CHST3: variants seen among roughly 807,000 people sequenced by gnomAD.
CHST3 encodes carbohydrate sulfotransferase 3, also known as C6ST-1.
Under a neutral mutation model 35.4 loss-of-function variants are expected in CHST3, and 20 were observed. The ratio of observed to expected loss-of-function variants is 0.57; its 90% confidence interval spans 0.40 to 0.82. CHST3 has a LOEUF of 0.82. Among genes scored for constraint, CHST3 ranks in the 40% least tolerant of loss-of-function variants. CHST3 has a pLI of 0.00. For synonymous variants in CHST3, 334 were observed against 295.9 expected, an observed-to-expected ratio of 1.13 and a Z score of -1.32; for missense variants, 693 against 670.1, an observed-to-expected ratio of 1.03 and a Z score of -0.38.
intron 1 of CHST3, among the ~76,000 whole-genome samples, chr10:71,996,262 A>G (rs559010348): frequency 6.6e-6 from 1 of 152,328 alleles, no homozygotes; most frequent in African/African-American, 2.4e-5. Flanking sequence ...ACTGTACTCA[A>G]AGAGGTTTAA....
At chr10:71,967,815 T>G (rs1017163078) in intron 1 of CHST3, among the ~76,000 whole-genome samples, 1 of 152,110 alleles carries the variant, frequency 6.6e-6, no homozygotes, top group Non-Finnish European at 1.5e-5. Flanking sequence ...CTCTGTTTTT[T>G]GTTTTTTGTT....
chr10:72,008,017 GC>G lies in CHST3; in HGVS notation c.988del (p.Gln330ArgfsTer4). ...KTWKKWLDDEGQDGLREEEVQ... is the reference protein window; with the variant it reads ...KTWKKWLDDEXQDGLREEEVQ... The stretch of plus-strand genomic sequence containing the variant: ...TGGAAGAAGTGGCTGGACGACGAGG[GC>G]CAGGACGGCCTGAGGGAAGAGGAGG... On this transcript the variant is annotated frameshift_variant, in exon 3 of 3. Transcript: ENST00000373115. LOFTEE classifies it high-confidence loss of function. The G allele has an allele frequency of 6.5e-7, 1 of 1,549,502 alleles. No individual in the cohort carries two copies. The highest frequency in any genetic ancestry group is 8.7e-7 in the Non-Finnish European group (1 of 1,146,512).
intron 1 of CHST3, among the ~76,000 whole-genome samples, chr10:71,989,452 G>GA (rs999340536): frequency 5.9e-4 from 87 of 147,402 alleles, no homozygotes; most frequent in African/African-American, 1.5e-3. Flanking sequence ...TCCTCAAAAA[G>GA]AAAAAAAAAA....
At chr10:71,974,235 T>C (rs77455139) in intron 1 of CHST3, among the ~76,000 whole-genome samples, 20,006 of 152,186 alleles carry the variant, frequency 0.13, 1,330 homozygotes, top group Admixed American at 0.17. Context: ...ATTCTTTCCA[T>C]TCACTAAGCA....
rs1044921577 is a variant in CHST3 at position 71,979,704 on chromosome 10, C to T, written c.-108+15010C>T. Reference sequence around the variant, plus strand: ...TATTGTTTTTATTTTTTTTCTCTATCTAAGGTAGTCAGAATATTATTTTTG... The same window carrying T: ...TATTGTTTTTATTTTTTTTCTCTATTTAAGGTAGTCAGAATATTATTTTTG... On this transcript the variant is annotated intron_variant, in intron 1 of 2. Coordinates refer to ENST00000373115, the MANE Select transcript of CHST3 (RefSeq NM_004273.5). Among the ~76,000 whole-genome samples, 71 of 152,032 alleles carry T rather than the reference C, an allele frequency of 4.7e-4. 1 individual carries two copies. Among genetic ancestry groups the T allele is most frequent in the African/African-American group, 1.5e-3 (63 of 41,478 alleles).
At chr10:71,978,619 A>C (rs569797155) in intron 1 of CHST3, among the ~76,000 whole-genome samples, 31 of 152,330 alleles carry the variant, frequency 2.0e-4, no homozygotes, top group African/African-American at 7.2e-4. Flanking sequence ...CACATCGATC[A>C]TTTAGTCCTC....
In CHST3 at chr10:72,008,659, G is replaced by A. The variant is rs1840075936; in HGVS notation, c.*188G>A. The A allele has an allele frequency of 1.6e-6, 2 of 1,245,576 alleles. No homozygotes were observed. The highest frequency in any genetic ancestry group is 1.5e-5 in the African/African-American group (1 of 66,050). 77.2% of individuals were successfully genotyped at this position (1,245,576 alleles called of 1,614,324 possible). ...ATTGCGGAGAACAGGACAGTGCCCG[G>A]TCCCCTTGAGGGCCATCACACCCAG... On this transcript the variant is annotated 3_prime_UTR_variant, in exon 3 of 3. Coordinates refer to ENST00000373115, the MANE Select transcript of CHST3 (RefSeq NM_004273.5).
intron 1 of CHST3, among the ~76,000 whole-genome samples, chr10:71,995,778 C>G (rs889000265): frequency 2.6e-5 from 4 of 151,952 alleles, no homozygotes; most frequent in Non-Finnish European, 5.9e-5. Context: ...TTGTGGCACC[C>G]CAAAACACTT....
At position 71,984,414 on chromosome 10, in the gene CHST3, T is replaced by C. The variant is rs183242600; in HGVS notation, c.-108+19720T>C. Among the ~76,000 whole-genome samples, 119 of 152,288 alleles carry C rather than the reference T, an allele frequency of 7.8e-4. 1 individual carries two copies. Among genetic ancestry groups the C allele is most frequent in the African/African-American group, 2.7e-3 (111 of 41,556 alleles). On this transcript the variant is annotated intron_variant, in intron 1 of 2. Coordinates refer to ENST00000373115, the MANE Select transcript of CHST3 (RefSeq NM_004273.5). Reference sequence around the variant, plus strand: ...CTTCATCCCTTCCTTGCTTTGTGCGTTTTGTCTAACTCTGTGTTCAAGACA... The same window carrying C: ...CTTCATCCCTTCCTTGCTTTGTGCGCTTTGTCTAACTCTGTGTTCAAGACA...
At chr10:72,001,618 C>T (rs1027610443) in intron 1 of CHST3, among the ~76,000 whole-genome samples, 1 of 152,110 alleles carries the variant, frequency 6.6e-6, no homozygotes, top group Non-Finnish European at 1.5e-5. Context: ...GGATTACAGG[C>T]GACCACCACC....
intron 1 of CHST3, among the ~76,000 whole-genome samples, chr10:71,989,441 G>A (rs192125127): frequency 5.9e-5 from 9 of 151,786 alleles, no homozygotes; most frequent in Admixed American, 2.0e-4. Context: ...AGCAAGACCC[G>A]TCCTCAAAAA....
chr10:72,007,424 C>G lies in CHST3; in HGVS notation c.393C>G (p.Pro131=). ...EEPPRPAVAG[P]RRHVLLMATT... is the part of the protein sequence containing the mutation. ...CGCCCAGACCGGCCGTGGCGGGGCCCCGGCGCCACGTGCTGCTCATGGCCA... is the reference window on the plus strand; with the variant it reads ...CGCCCAGACCGGCCGTGGCGGGGCCGCGGCGCCACGTGCTGCTCATGGCCA... Residue 131 remains proline (P), a synonymous_variant, in exon 3 of 3, where the codon CCC becomes CCG. Transcript: ENST00000373115. 1 of 1,603,678 alleles carries G rather than the reference C, an allele frequency of 6.2e-7. No homozygotes were observed. The highest frequency in any genetic ancestry group is 2.2e-5 in the East Asian group (1 of 44,744).
chr10:72,007,840 T>G lies in CHST3; in HGVS notation c.809T>G (p.Met270Arg). The change falls in exon 3 of 3, where the codon ATG (methionine) becomes AGG (arginine). Residue 270 changes from methionine (M) to arginine (R), a missense_variant. By Grantham distance (91) the Met-to-Arg change is moderately conservative (BLOSUM62 -1). Coordinates refer to ENST00000373115, the MANE Select transcript of CHST3 (RefSeq NM_004273.5). The stretch of plus-strand genomic sequence containing the variant: ...GAGGCCTGCCGCCGCAAGGAGCACA[T>G]GGCCCTCAAGGCGGTGCGCATCCGG... ...AAEACRRKEHMALKAVRIRQL... is the reference protein window; with the variant it reads ...AAEACRRKEHRALKAVRIRQL... 1 of 1,605,580 alleles carries G rather than the reference T, an allele frequency of 6.2e-7. No individual in the cohort carries two copies. Among genetic ancestry groups the G allele is most frequent in the Non-Finnish European group, 8.5e-7 (1 of 1,179,216 alleles).
chr10:71,979,075 T>C (rs1839774958), intron 1 of CHST3, among the ~76,000 whole-genome samples: 1 of 152,238 alleles, frequency 6.6e-6, no homozygotes, highest in South Asian at 2.1e-4. Context: ...TTCAGTGCCA[T>C]ACAGCGATAG....
In CHST3 at chr10:71,964,532, C is replaced by G. The variant is rs1202631963; in HGVS notation, c.-270C>G. On this transcript the variant is annotated 5_prime_UTR_variant, in exon 1 of 3. Coordinates refer to ENST00000373115, the MANE Select transcript of CHST3 (RefSeq NM_004273.5). ...CCGCAGCGCCTCCATCCCTCCGGCC[C>G]GCCCCGGAGAAGACGCACAGCTCGG... 3 of 152,112 alleles carry G rather than the reference C, an allele frequency of 2.0e-5. No individual in the cohort carries two copies. The highest frequency in any genetic ancestry group is 4.4e-5 in the Non-Finnish European group (3 of 68,020). 9.4% of individuals were successfully genotyped at this position (152,112 alleles called of 1,614,324 possible).
intron 1 of CHST3, among the ~76,000 whole-genome samples, chr10:71,988,591 C>T (rs543597519): frequency 1.3e-5 from 2 of 152,356 alleles, no homozygotes; most frequent in Admixed American, 1.3e-4. Context: ...CCTGAGGCTT[C>T]ACCAGAAGCC....
Position 72,010,733 on chromosome 10 carries a change from A to C in CHST3, c.*2262A>C, listed in dbSNP as rs977581632. ...GCTCTGAAAACATGACCGTGGGGCC[A>C]GGATGTTTCTGGCAGGCCCAGAAGT... On this transcript the variant is annotated 3_prime_UTR_variant, in exon 3 of 3. Coordinates refer to ENST00000373115, the MANE Select transcript of CHST3 (RefSeq NM_004273.5). 29 of 152,374 alleles carry C rather than the reference A, an allele frequency of 1.9e-4. No homozygotes were observed. The highest frequency in any genetic ancestry group is 7.0e-4 in the African/African-American group (29 of 41,582). The allele number at this position is 152,374 out of a possible 1,614,324, so 9.4% of individuals were successfully genotyped here. A position where few individuals can be genotyped will look rare whatever the true frequency, so the allele number is the denominator to read the frequency against.
intron 1 of CHST3, among the ~76,000 whole-genome samples, chr10:71,967,648 T>G (rs1048636868): frequency 2.6e-5 from 4 of 152,208 alleles, no homozygotes; most frequent in South Asian, 2.1e-4. Context: ...TGTGCATGTA[T>G]CTTTATGGTA....
intron 1 of CHST3, among the ~76,000 whole-genome samples, chr10:71,988,040 G>A (rs572694560): frequency 1.3e-5 from 2 of 152,270 alleles, no homozygotes; most frequent in South Asian, 2.1e-4. Flanking sequence ...GGCTTCTCCC[G>A]AGCATGTGCA....
Sources: gnomAD v4.1 joint callset for allele counts (sites outside exome capture counted in the v4.1 genomes callset) on GRCh38, gnomAD v4.1.1 for gene constraint, MANE v1.5 for transcripts, NCBI Gene and HGNC (gene_info 2026-07-23, HGNC 2026-07-21) for gene names.